The following ZNF577 variants were observed in gnomAD, a reference collection of about 807,000 sequenced individuals.
The protein encoded by ZNF577 is zinc finger protein 577.
Under a neutral mutation model 13.9 loss-of-function variants are expected in ZNF577, and 14 were observed. The ratio of observed to expected loss-of-function variants is 1.00; its 90% CI spans 0.66 to 1.57. The LOEUF (loss-of-function observed/expected upper bound fraction) is 1.57. ZNF577 is among the 40% of genes most tolerant of loss of function. ZNF577 has a pLI of 0.00. For synonymous variants in ZNF577, 203 were observed against 202.9 expected, an observed-to-expected ratio of 1.00 and a Z score of 0.00; for missense variants, 555 against 579.2, an observed-to-expected ratio of 0.96 and a Z score of 0.43.
chr19:51,848,946 A>G (rs2084367460), intron 5 of ZNF577, among the ~76,000 whole-genome samples: 1 of 142,492 alleles, frequency 7.0e-6, no homozygotes, highest in African/African-American at 3.0e-5. Context: ...AATGAGCTGG[A>G]AAAAAATCAT....
chr19:51,885,646 G>A (rs532543070), intron 1 of ZNF577, among the ~76,000 whole-genome samples: 34 of 152,096 alleles, frequency 2.2e-4, no homozygotes, highest in Non-Finnish European at 3.7e-4. Context: ...TGAGTAGCTG[G>A]GATTACAGAC....
intron 9 of ZNF577, chr19:51,825,103 A>G: frequency 3.3e-6 from 1 of 303,144 alleles, no homozygotes; most frequent in Non-Finnish European, 6.4e-6. Flanking sequence ...TCACAAATCC[A>G]GGCTTCTGAA....
intron 5 of ZNF577, among the ~76,000 whole-genome samples, chr19:51,847,397 T>C (rs1480932753): frequency 6.6e-6 from 1 of 152,078 alleles, no homozygotes; most frequent in Admixed American, 6.6e-5. Context: ...TGCTGTTGCC[T>C]CACTCACACC....
At chr19:51,814,228 C>T (rs185384877) in intron 9 of ZNF577, among the ~76,000 whole-genome samples, 35 of 152,258 alleles carry the variant, frequency 2.3e-4, no homozygotes, top group Admixed American at 1.6e-3. Flanking sequence ...TTGTTTCAGC[C>T]GGAGGACAAT....
chr19:51,876,921 C>T (rs1469021413), intron 5 of ZNF577, among the ~76,000 whole-genome samples: 14 of 144,184 alleles, frequency 9.7e-5, no homozygotes, highest in African/African-American at 3.7e-4. Flanking sequence ...TGCGAGACTC[C>T]GTCTCAAAAA....
At position 51,875,066 on chromosome 19, in the gene ZNF577, A is replaced by T. The variant is rs78442207; in HGVS notation, c.284-1360T>A. ...TTAGTGCAGCATAGACACAAAGGAG[A>T]TAAAAGTCAGAAAAGAGGGTGGCCA... On this transcript the variant is annotated intron_variant, in intron 5 of 5. Coordinates refer to ENST00000638348, the MANE Select transcript of ZNF577 (RefSeq NM_001370449.1). 5.3e-3 allele frequency among the ~76,000 whole-genome samples: 809 copies of T among 152,212 alleles called. 9 individuals carry two copies. The highest frequency in any genetic ancestry group is 0.017 in the African/African-American group (701 of 41,526).
intron 9 of ZNF577, among the ~76,000 whole-genome samples, chr19:51,829,765 T>G (rs10500310): frequency 1.3e-5 from 2 of 152,116 alleles, no homozygotes; most frequent in Admixed American, 6.5e-5. Context: ...ACCTGTAATA[T>G]GGCAACTGCA....
In ZNF577 at chr19:51,870,578, G is replaced by A. The variant is rs543431222; in HGVS notation, c.*1954C>T. On this transcript the variant is annotated 3_prime_UTR_variant, in exon 6 of 6. Coordinates refer to ENST00000638348, the MANE Select transcript of ZNF577 (RefSeq NM_001370449.1). ...GTGTGTAATCCAAGGATTTTTCTGC[G>A]TGTTCATTTCTTCCTGTTCTTCCTC... 5.8e-4 allele frequency among the ~76,000 whole-genome samples: 88 copies of A among 151,860 alleles called. 2 individuals are homozygous for A. In the Middle Eastern group the frequency reaches 0.024, roughly 41 times the overall value.
intron 5 of ZNF577, chr19:51,845,031 T>C (rs1311395170): frequency 6.6e-6 from 1 of 152,222 alleles, no homozygotes; most frequent in Non-Finnish European, 1.5e-5. Context: ...TCATTTCCTA[T>C]ACCTAACAAA....
At chr19:51,854,230 A>C (rs1239313642) in intron 5 of ZNF577, among the ~76,000 whole-genome samples, 1 of 152,194 alleles carries the variant, frequency 6.6e-6, no homozygotes, top group African/African-American at 2.4e-5. Flanking sequence ...CTCAGTGCTC[A>C]TCTGATAATA....
chr19:51,854,947 T>C (rs565396196), intron 5 of ZNF577, among the ~76,000 whole-genome samples: 1 of 152,292 alleles, frequency 6.6e-6, no homozygotes, highest in South Asian at 2.1e-4. Context: ...AGACCTGTTC[T>C]CTTTGTTGCT....
intron 10 of ZNF577, among the ~76,000 whole-genome samples, chr19:51,806,986 G>A (rs1478056422): frequency 6.6e-6 from 1 of 152,206 alleles, no homozygotes; most frequent in East Asian, 1.9e-4. Flanking sequence ...CCTAATAATT[G>A]CTGAAAATCA....
chr19:51,832,191 G>A (rs1404037385), intron 9 of ZNF577, among the ~76,000 whole-genome samples: 2 of 152,140 alleles, frequency 1.3e-5, no homozygotes, highest in Non-Finnish European at 2.9e-5. Context: ...GAGAAAGAGA[G>A]TGGGTATCCA....
chr19:51,875,363 CAAAAAAA>C (rs538987406), intron 5 of ZNF577, among the ~76,000 whole-genome samples: 3 of 63,788 alleles, frequency 4.7e-5, no homozygotes, highest in Middle Eastern at 8.3e-3. Flanking sequence ...AACTCTGTCA[CAAAAAAA>C]AAAAAAAAAA....
At chr19:51,817,526 T>TA (rs2084147649) in intron 9 of ZNF577, among the ~76,000 whole-genome samples, 3 of 149,692 alleles carry the variant, frequency 2.0e-5, no homozygotes, top group South Asian at 2.1e-4. Context: ...GTTTTTTTTT[T>TA]TAAATTATTG....
intron 1 of ZNF577, among the ~76,000 whole-genome samples, chr19:51,884,364 T>C (rs78455012): frequency 0.012 from 1,806 of 152,326 alleles, 41 homozygotes; most frequent in African/African-American, 0.042. Context: ...TTGGATTTGC[T>C]ATGAAAGTCT....
At chr19:51,811,135 G>A (rs1056587467) in intron 10 of ZNF577, among the ~76,000 whole-genome samples, 1 of 152,180 alleles carries the variant, frequency 6.6e-6, no homozygotes, top group African/African-American at 2.4e-5. Flanking sequence ...AATGGCAGAA[G>A]TACAGTATGA....
downstream of ZNF577, among the ~76,000 whole-genome samples, chr19:51,865,931 A>G (rs2084557734): frequency 6.6e-6 from 1 of 152,112 alleles, no homozygotes; most frequent in African/African-American, 2.4e-5. Context: ...CCTGACCAAC[A>G]TGGTAAAACC....
intron 8 of ZNF577, chr19:51,840,709 T>C (rs572978456): frequency 3.3e-5 from 5 of 152,272 alleles, no homozygotes; most frequent in African/African-American, 9.6e-5. Flanking sequence ...TCTAGCATTA[T>C]ATGAAAAGAA....
Sources: allele counts gnomAD v4.1 joint callset (sites outside exome capture counted in the v4.1 genomes callset), GRCh38; gene constraint gnomAD v4.1.1; transcripts MANE v1.5; gene names NCBI Gene and HGNC (gene_info 2026-07-23, HGNC 2026-07-21).